Variants in DCHS1 observed in about 807,000 individuals in gnomAD.
DCHS1 encodes the protein dachsous cadherin-related 1.
DCHS1 carries 78 observed loss-of-function variants against 213.9 expected under a neutral mutation model. The ratio of observed to expected loss-of-function variants is 0.36; its 90% confidence interval spans 0.30 to 0.44. The LOEUF (loss-of-function observed/expected upper bound fraction) is 0.44. DCHS1 is among the 20% of genes least tolerant of loss of function. The pLI is 1.00. For synonymous variants in DCHS1, 1,828 were observed against 1,873.7 expected (o/e 0.98, Z 0.63); for missense variants, 3,946 against 4,395.9 (o/e 0.90, Z 2.89).
chr11:6,624,128 G>T lies in DCHS1; in HGVS notation c.7548C>A (p.Ala2516=). Residue 2516 remains alanine, a synonymous_variant, in exon 21 of 21, where the codon GCC becomes GCA. Coordinates refer to ENST00000299441, the MANE Select transcript of DCHS1 (RefSeq NM_003737.4). The part of the protein sequence containing the change: ...ATDADGSRSH[A]AVDYSIISGN... ...CACTGATGATGCTGTAGTCCACAGCGGCATGGCTGCGGCTTCCATCAGCAT... is the reference window on the plus strand; with the variant it reads ...CACTGATGATGCTGTAGTCCACAGCTGCATGGCTGCGGCTTCCATCAGCAT... 6.2e-7 allele frequency: 1 copy of T among 1,611,740 alleles called. No homozygotes were observed. The highest frequency in any genetic ancestry group is 8.5e-7 in the Non-Finnish European group (1 of 1,179,082).
intron 2 of DCHS1, among the ~76,000 whole-genome samples, chr11:6,638,003 C>G (rs143095877): frequency 6.6e-6 from 1 of 152,276 alleles, no homozygotes; most frequent in East Asian, 1.9e-4. Context: ...CAGGAAACCA[C>G]CTGGAGAGTT....
intron 1 of DCHS1, among the ~76,000 whole-genome samples, chr11:6,642,024 T>G (rs755906830): frequency 2.0e-4 from 31 of 152,212 alleles, no homozygotes; most frequent in Non-Finnish European, 4.3e-4. Flanking sequence ...GGCTTAAAAA[T>G]ATGGACATTC....
intron 1 of DCHS1, among the ~76,000 whole-genome samples, chr11:6,648,987 TG>T (rs2134657393): frequency 6.6e-6 from 1 of 152,214 alleles, no homozygotes; most frequent in African/African-American, 2.4e-5. Context: ...CTTAAACCTC[TG>T]GGGTTTAAAG....
In DCHS1 at chr11:6,623,352, T is replaced by C. The variant is rs752021858; in HGVS notation, c.8324A>G (p.Tyr2775Cys). 1.1e-5 allele frequency: 17 copies of C among 1,597,220 alleles called. No homozygotes were observed. Among genetic ancestry groups the C allele is most frequent in the African/African-American group, 4.0e-5 (3 of 74,620 alleles). The stretch of plus-strand genomic sequence containing the variant: ...CAGCCGGAAGCTTTCTGTGTGCTCA[T>C]AGTCAAAGGGCACTCGCGCACGCAA... Reference protein sequence around the residue: ...GELRARVPFDYEHTESFRLLV... With the variant: ...GELRARVPFDCEHTESFRLLV... Residue 2775 changes from tyrosine to cysteine, a missense_variant, in exon 21 of 21, where the codon TAT becomes TGT. Tyr to Cys is a radical substitution (Grantham distance 194). Transcript: ENST00000299441.
rs149685502 is a variant in DCHS1 at position 6,624,266 on chromosome 11, C to A, written c.7410G>T (p.Val2470=). The A allele has an allele frequency of 3.2e-4, 514 of 1,611,242 alleles. 1 individual carries two copies. Among genetic ancestry groups the A allele is most frequent in the Non-Finnish European group, 4.1e-4 (485 of 1,179,040 alleles). ...PGRAARATVH[V]QLQDQNDHAP... ...CGTGGTCGTTCTGGTCCTGCAGCTG[C>A]ACGTGCACTGTGGCTCGTGCTGCCC... Residue 2470 remains valine (V), a synonymous_variant, in exon 21 of 21, where the codon GTG becomes GTT. Transcript: ENST00000299441.
Position 6,644,446 on chromosome 11 carries a change from TGA to T in DCHS1, c.-120-2715_-120-2714del, listed in dbSNP as rs1469560956. Among the ~76,000 whole-genome samples the T allele has an allele frequency of 2.0e-5, 3 of 152,350 alleles. No homozygotes were observed. In the East Asian group the frequency reaches 5.8e-4, roughly 29 times the overall value. ...CCTTGTATTTGCTACTGTTTTGTCA[TGA>T]GATAACCTCTAAAAATCCTCTCCAC... On this transcript the variant is annotated intron_variant, in intron 1 of 20. Transcript: ENST00000299441.
rs1270322437 is a variant in DCHS1, at chr11:6,624,253, G to T, written c.7423C>A (p.Gln2475Lys). 2 of 1,612,134 alleles carry T rather than the reference G, an allele frequency of 1.2e-6. No individual in the cohort carries two copies. The highest frequency in any genetic ancestry group is 1.7e-6 in the Non-Finnish European group (2 of 1,179,312). Residue 2475 changes from glutamine to lysine, a missense_variant, in exon 21 of 21, where the codon CAG becomes AAG. Transcript: ENST00000299441. ...GTGAAGCTCGGGGCGTGGTCGTTCT[G>T]GTCCTGCAGCTGCACGTGCACTGTG... ...RATVHVQLQD[Q>K]NDHAPSFTLS...
rs910392520 is a variant in DCHS1, at chr11:6,640,831, A to G, written c.783T>C (p.His261=). The G allele has an allele frequency of 1.2e-6, 2 of 1,613,900 alleles. No individual in the cohort carries two copies. Among genetic ancestry groups the G allele is most frequent in the South Asian group, 1.1e-5 (1 of 91,086 alleles). ...GGGCCAGGCTCTCAGACACCACAGCATGGTAGCGGCTCTGATTGAAAGCCG... is the reference window on the plus strand; with the variant it reads ...GGGCCAGGCTCTCAGACACCACAGCGTGGTAGCGGCTCTGATTGAAAGCCG... ...HAPAFNQSRY[H]AVVSESLAPG... Residue 261 remains histidine, a synonymous_variant, in exon 2 of 21, where the codon CAT becomes CAC. Coordinates refer to ENST00000299441, the MANE Select transcript of DCHS1 (RefSeq NM_003737.4). This position sits in a 1 kb window ranked among gnomAD's most constrained non-coding sequence, Gnocchi z 6.5.
At position 6,626,145 on chromosome 11, in the gene DCHS1, C is replaced by T. The variant is rs1367880489; in HGVS notation, c.6576+24G>A. The stretch of plus-strand genomic sequence containing the variant: ...GTCTGACTAGCCCTGCTCCCCCGCC[C>T]AATCTTTCCATCACACCCCGCACCT... On this transcript the variant is annotated intron_variant, in intron 16 of 20. Transcript: ENST00000299441. The surrounding 1 kb of genome is among the most constrained non-coding windows in gnomAD (Gnocchi z 5.2). 6.3e-7 allele frequency: 1 copy of T among 1,596,872 alleles called. No homozygotes were observed. Among genetic ancestry groups the T allele is most frequent in the South Asian group, 1.1e-5 (1 of 88,578 alleles).
chr11:6,624,282 C>T lies in DCHS1; in HGVS notation c.7394G>A (p.Arg2465Gln), dbSNP rs773889155. The T allele has an allele frequency of 1.4e-5, 23 of 1,602,218 alleles. No individual in the cohort carries two copies. Among genetic ancestry groups the T allele is most frequent in the Middle Eastern group, 1.6e-4 (1 of 6,070 alleles). ...CTGCAGCTGCACGTGCACTGTGGCT[C>T]GTGCTGCCCGGCCTGGAGCCCCGTG... ...RDHGAPGRAA[R>Q]ATVHVQLQDQ... is the part of the protein sequence containing the mutation. The change falls in exon 21 of 21, where the codon CGA (arginine) becomes CAA (glutamine). Residue 2465 changes from arginine to glutamine, a missense_variant. Arg to Gln is a conservative substitution (Grantham distance 43). This residue lies in a region of DCHS1 where 3,384 missense variants were observed against 3,780.1 expected (regional missense o/e 0.90). Coordinates refer to ENST00000299441, the MANE Select transcript of DCHS1 (RefSeq NM_003737.4).
chr11:6,629,302 C>A (rs1041038203), intron 12 of DCHS1, 150 bp downstream of exon 12: 20 of 1,124,558 alleles, frequency 1.8e-5, no homozygotes, highest in Non-Finnish European at 2.5e-5. Flanking sequence ...CTGCCAAACT[C>A]TCGACTCCCC....
In DCHS1 at chr11:6,625,184, A is replaced by T; in HGVS notation, c.7146+14T>A. ...CCCAGGCCCAGGTGTAGGTGGATCC[A>T]TGGGTGTCAATACCTGGTAGAGGCT... On this transcript the variant is annotated intron_variant, in intron 19 of 20. Coordinates refer to ENST00000299441, the MANE Select transcript of DCHS1 (RefSeq NM_003737.4). The surrounding 1 kb of genome is among the most constrained non-coding windows in gnomAD (Gnocchi z 5.3). 6.4e-7 allele frequency: 1 copy of T among 1,569,660 alleles called. No homozygotes were observed. The highest frequency in any genetic ancestry group is 8.6e-7 in the Non-Finnish European group (1 of 1,156,706).
rs1856066581 is a variant in DCHS1 at position 6,641,097 on chromosome 11, C to T, written c.517G>A (p.Gly173Arg). 1 of 1,613,994 alleles carries T rather than the reference C, an allele frequency of 6.2e-7. No homozygotes were observed. Among genetic ancestry groups the T allele is most frequent in the Non-Finnish European group, 8.5e-7 (1 of 1,179,914 alleles). ...GCATAGCCCTGGGTTCCCAGACGCC[C>T]AGCATCTGCATCACGAGCAGGCTCC... ...PLEPARDADA[G>R]RLGTQGYALS... The change falls in exon 2 of 21, where the codon GGG becomes AGG. Residue 173 changes from glycine (G) to arginine (R), a missense_variant. Gly to Arg is a moderately radical substitution (Grantham distance 125). Transcript: ENST00000299441. This position sits in a 1 kb window ranked among gnomAD's most constrained non-coding sequence, Gnocchi z 7.1.
rs1223052856 is a variant in DCHS1 at position 6,630,847 on chromosome 11, C to A, written c.3947G>T (p.Arg1316Leu). ...GAGATCTGGGGGCGGCTCGGCCAAG[C>A]GAGCTGAGGGAAGCACCTGTTGTGG... ...QLLVQVLPSA[R>L]LAEPPPDLAE... Residue 1316 changes from arginine (R) to leucine (L), a missense_variant, in exon 10 of 21, where the codon CGC becomes CTC. Coordinates refer to ENST00000299441, the MANE Select transcript of DCHS1 (RefSeq NM_003737.4). The A allele has an allele frequency of 3.9e-6, 6 of 1,524,392 alleles. No homozygotes were observed. Among genetic ancestry groups the A allele is most frequent in the African/African-American group, 2.7e-5 (2 of 72,762 alleles). The allele number at this position is 1,524,392 out of a possible 1,614,324, so 94.4% of individuals were successfully genotyped here.
Position 6,632,643 on chromosome 11 carries a change from C to A in DCHS1, c.2869G>T (p.Gly957Trp). 1 of 1,558,070 alleles carries A rather than the reference C, an allele frequency of 6.4e-7. No individual in the cohort carries two copies. The highest frequency in any genetic ancestry group is 2.4e-5 in the East Asian group (1 of 41,494). Residue 957 changes from glycine to tryptophan, a missense_variant, in exon 6 of 21, where the codon GGG (glycine) becomes TGG (tryptophan). Gly to Trp is a radical substitution (Grantham distance 184). Around this residue, in one of 3 missense-constraint regions of DCHS1, gnomAD observed 3,384 missense variants for 3,780.1 expected, o/e 0.90. Transcript: ENST00000299441. The surrounding 1 kb of genome is among the most constrained non-coding windows in gnomAD (Gnocchi z 5.9). ...TCATGGGCTGGCCCTCCTGAGGGCC[C>A]CAGAGGCCTCATAAGCCGTACATGG... is the stretch of plus-strand genomic sequence containing the variant. ...TGHVRLMRPL[G>W]PSGGPAHELE...
Position 6,622,034 on chromosome 11 carries a change from C to T in DCHS1, c.9642G>A (p.Lys3214=), listed in dbSNP as rs777763269. 8.1e-6 allele frequency: 13 copies of T among 1,612,730 alleles called. No individual in the cohort carries two copies. Among genetic ancestry groups the T allele is most frequent in the Non-Finnish European group, 1.0e-5 (12 of 1,179,636 alleles). The stretch of plus-strand genomic sequence containing the variant: ...TGTTTGCTGGCTTGGGGGGCACAGA[C>T]TTGGCTCCTGGGTGGGCCACGGCAG... ...LITAVAHPGA[K]SVPPKPANTA... The change falls in exon 21 of 21, where the codon AAG becomes AAA. Residue 3214 remains lysine (K), a synonymous_variant. Transcript: ENST00000299441. The surrounding 1 kb of genome is among the most constrained non-coding windows in gnomAD (Gnocchi z 5.4).
Position 6,630,049 on chromosome 11 carries a change from T to C in DCHS1, c.4745A>G (p.Tyr1582Cys). Residue 1582 changes from tyrosine (Y) to cysteine (C), a missense_variant, in exon 10 of 21, where the codon TAT (tyrosine) becomes TGT (cysteine). Coordinates refer to ENST00000299441, the MANE Select transcript of DCHS1 (RefSeq NM_003737.4). ...PDLGEAARVS[Y>C]RLASGGDGHF... ...GCCGTCCCCGCCAGATGCCAGCCGA[T>C]AGGACACGCGTGCAGCCTCGCCCAG... 1.3e-6 allele frequency: 2 copies of C among 1,560,648 alleles called. No individual in the cohort carries two copies. Among genetic ancestry groups the C allele is most frequent in the Non-Finnish European group, 1.7e-6 (2 of 1,150,036 alleles).
chr11:6,639,960 C>T lies in DCHS1; in HGVS notation c.1654G>A (p.Asp552Asn), dbSNP rs778093381. ...PQPQLIVVAT[D>N]GGLPPLASSA... ...GAGGCTAGAGGGGGCAGGCCACCATCTGTGGCCACCACAATCAGCTGTGGC... is the reference window on the plus strand; with the variant it reads ...GAGGCTAGAGGGGGCAGGCCACCATTTGTGGCCACCACAATCAGCTGTGGC... Residue 552 changes from aspartate to asparagine, a missense_variant, in exon 2 of 21, where the codon GAT becomes AAT. Physicochemically the swap from Asp to Asn is conservative, Grantham distance 23 (BLOSUM62 1). This residue lies in a region of DCHS1 where 3,384 missense variants were observed against 3,780.1 expected (regional missense o/e 0.90). Coordinates refer to ENST00000299441, the MANE Select transcript of DCHS1 (RefSeq NM_003737.4). 22 of 1,613,912 alleles carry T rather than the reference C, an allele frequency of 1.4e-5. No homozygotes were observed. In the Admixed American group the frequency reaches 2.3e-4, roughly 17 times the overall value.
chr11:6,629,137 T>A (rs1855859367), intron 12 of DCHS1, among the ~76,000 whole-genome samples: 1 of 152,216 alleles, frequency 6.6e-6, no homozygotes, highest in African/African-American at 2.4e-5. Context: ...CTTGAGCAAG[T>A]CACTTGACCT....
Sources: allele counts gnomAD v4.1 joint callset (sites outside exome capture counted in the v4.1 genomes callset), GRCh38; gene constraint gnomAD v4.1.1; regional missense constraint gnomAD v4.1.1; non-coding constraint Gnocchi (gnomAD v3.1); transcripts MANE v1.5; gene names NCBI Gene and HGNC (gene_info 2026-07-23, HGNC 2026-07-21).